The following SRSF4 variants were observed in gnomAD, a reference collection of about 807,000 sequenced individuals.
The protein encoded by SRSF4 is serine/arginine-rich splicing factor 4.
A neutral mutation model predicts 48.8 loss-of-function variants in SRSF4; 12 were observed. That is an observed-to-expected ratio of 0.25 (90% confidence interval 0.16 to 0.40). The LOEUF is 0.40. Among genes scored for constraint, SRSF4 ranks in the 10% least tolerant of loss-of-function variants. The pLI, the probability that SRSF4 is intolerant of heterozygous loss-of-function variation, is 1.00. For missense variants in SRSF4, 466 were observed against 667.1 expected (o/e 0.70, Z 3.32); for synonymous variants, 248 against 232.5 (o/e 1.07, Z -0.61).
intron 1 of SRSF4, 89 bp downstream of exon 1, chr1:29,181,557 G>C (rs1315701240): frequency 1.7e-6 from 2 of 1,185,656 alleles, no homozygotes; most frequent in Non-Finnish European, 2.3e-6. Context: ...GCTCCGCGCG[G>C]ACCAGGCGTC....
chr1:29,150,017 C>T, intron 5 of SRSF4, 86 bp downstream of exon 5: 2 of 1,145,252 alleles, frequency 1.7e-6, no homozygotes, highest in Non-Finnish European at 2.6e-6. Flanking sequence ...GACAGAGTGT[C>T]TCTTTGAAAA....
At chr1:29,160,719 T>C (rs539011370) in intron 1 of SRSF4, among the ~76,000 whole-genome samples, 2 of 152,352 alleles carry the variant, frequency 1.3e-5, no homozygotes, top group South Asian at 4.1e-4. Flanking sequence ...CTTCTCAAAG[T>C]AGACTCCTAT....
rs1020876293 is a variant in SRSF4 at position 29,181,891 on chromosome 1, G to C, written c.-139C>G. 11 of 576,774 alleles carry C rather than the reference G, an allele frequency of 1.9e-5. No individual in the cohort carries two copies. Among genetic ancestry groups the C allele is most frequent in the Non-Finnish European group, 2.9e-5 (11 of 377,846 alleles). The allele number at this position is 576,774 out of a possible 1,614,324, so 35.7% of individuals were successfully genotyped here. ...ACGCAGCCGAACCCCGGCGACGTAC[G>C]CGAGCACGCAGCTCGCGAGCGCGCG... On this transcript the variant is annotated 5_prime_UTR_variant, in exon 1 of 6. Coordinates refer to ENST00000373795, the MANE Select transcript of SRSF4 (RefSeq NM_005626.5).
At chr1:29,175,652 G>A (rs1426209565) in intron 1 of SRSF4, among the ~76,000 whole-genome samples, 1 of 110,182 alleles carries the variant, frequency 9.1e-6, no homozygotes, top group Non-Finnish European at 1.7e-5. Context: ...CCGAGATTGC[G>A]CCACTGCACT....
At chr1:29,163,869 G>C (rs1672633428) in intron 1 of SRSF4, among the ~76,000 whole-genome samples, 1 of 152,138 alleles carries the variant, frequency 6.6e-6, no homozygotes, top group Non-Finnish European at 1.5e-5. Flanking sequence ...TTCTAGTCTT[G>C]GTTCTGCTAC....
At chr1:29,150,230 G>A (rs2151811686) in intron 4 of SRSF4, 38 bp from the exon 5 acceptor site, 1 of 1,486,182 alleles carries the variant, frequency 6.7e-7, no homozygotes, top group Non-Finnish European at 9.4e-7. Flanking sequence ...TTGCTGACAA[G>A]AGGCTGCTGA....
At chr1:29,170,136 T>G (rs925776429) in intron 1 of SRSF4, 1 of 152,198 alleles carries the variant, frequency 6.6e-6, no homozygotes, top group Non-Finnish European at 1.5e-5. Context: ...TTCAATTTTC[T>G]GACACTTTTC....
chr1:29,148,898 G>C lies in SRSF4; in HGVS notation c.997C>G (p.Arg333Gly). The C allele has an allele frequency of 6.2e-7, 1 of 1,608,560 alleles. No homozygotes were observed. The highest frequency in any genetic ancestry group is 1.1e-5 in the South Asian group (1 of 90,888). ...CTGCTGCCCCCTTTGCTCCTGCTCC[G>C]GCTCCGACTCTGGCGGAGGCTCTTC... ...QEKSLRQSRS[R>G]SRSKGGSRSR... Residue 333 changes from arginine (R) to glycine (G), a missense_variant, in exon 6 of 6, where the codon CGG becomes GGG. Transcript: ENST00000373795.
Position 29,148,623 on chromosome 1 carries a change from C to T in SRSF4, c.1272G>A (p.Gln424=). The change falls in exon 6 of 6, where the codon CAG becomes CAA. Residue 424 remains glutamine, a synonymous_variant. Coordinates refer to ENST00000373795, the MANE Select transcript of SRSF4 (RefSeq NM_005626.5). The stretch of plus-strand genomic sequence containing the variant: ...TCTCACTCTCTCCTCGACCTTCCCT[C>T]TGGCTGGATTCAGACTTGGCATGTT... ...EREHAKSESS[Q]REGRGESENA... is the part of the protein sequence containing the mutation. 6.2e-7 allele frequency: 1 copy of T among 1,614,126 alleles called. No individual in the cohort carries two copies. Among genetic ancestry groups the T allele is most frequent in the Non-Finnish European group, 8.5e-7 (1 of 1,179,994 alleles).
At chr1:29,176,489 TA>T (rs63562760) in intron 1 of SRSF4, among the ~76,000 whole-genome samples, 53,716 of 137,432 alleles carry the variant, frequency 0.39, 10,627 homozygotes, top group African/African-American at 0.54. Context: ...CTAAAAACTT[TA>T]AAAAAAAAAA....
chr1:29,156,552 C>T (rs541031847), intron 3 of SRSF4, among the ~76,000 whole-genome samples: 1 of 152,112 alleles, frequency 6.6e-6, no homozygotes, highest in South Asian at 2.1e-4. Flanking sequence ...GAATATGAGG[C>T]ATAAGATGTA....
chr1:29,176,703 A>T (rs1672860938), intron 1 of SRSF4, among the ~76,000 whole-genome samples: 1 of 152,070 alleles, frequency 6.6e-6, no homozygotes, highest in African/African-American at 2.4e-5. Context: ...CACAACAACG[A>T]CCTGCCTCAC....
intron 5 of SRSF4, 85 bp from the exon 6 acceptor site, chr1:29,149,311 G>A (rs1672365745): frequency 6.9e-7 from 1 of 1,448,500 alleles, no homozygotes; most frequent in Admixed American, 2.2e-5. Context: ...TACATGTGGA[G>A]TTACACCCCC....
At chr1:29,160,672 T>C (rs1672581855) in intron 1 of SRSF4, 155 bp from the exon 2 acceptor site, 2 of 747,880 alleles carry the variant, frequency 2.7e-6, no homozygotes, top group Non-Finnish European at 2.0e-6. Flanking sequence ...GAAACCACTT[T>C]GCTTTGTGCC....
intron 1 of SRSF4, chr1:29,169,758 A>G (rs1326173530): frequency 6.6e-6 from 1 of 152,234 alleles, no homozygotes; most frequent in Non-Finnish European, 1.5e-5. Flanking sequence ...ATTGCAGATA[A>G]CAGCCCATCT....
At chr1:29,177,935 T>C (rs111743589) in intron 1 of SRSF4, among the ~76,000 whole-genome samples, 52 of 144,856 alleles carry the variant, frequency 3.6e-4, no homozygotes, top group African/African-American at 1.3e-3. Flanking sequence ...AGTCTTGCTC[T>C]GTTGCCTAGG....
chr1:29,168,222 G>A (rs553474842), intron 1 of SRSF4, among the ~76,000 whole-genome samples: 72 of 144,716 alleles, frequency 5.0e-4, no homozygotes, highest in African/African-American at 1.8e-3. Context: ...GGAGAGACAG[G>A]GTTTCACCAT....
intron 1 of SRSF4, among the ~76,000 whole-genome samples, chr1:29,179,151 A>G (rs897518575): frequency 5.9e-5 from 9 of 151,940 alleles, no homozygotes; most frequent in Non-Finnish European, 1.2e-4. Context: ...TTGAATTCCT[A>G]CTCATTGATT....
chr1:29,176,771 A>G (rs1220567510), intron 1 of SRSF4, among the ~76,000 whole-genome samples: 1 of 152,174 alleles, frequency 6.6e-6, no homozygotes, highest in Non-Finnish European at 1.5e-5. Flanking sequence ...AAGGGCGAAA[A>G]CAAAAATTTT....
Sources: allele counts gnomAD v4.1 joint callset (sites outside exome capture counted in the v4.1 genomes callset), GRCh38; gene constraint gnomAD v4.1.1; transcripts MANE v1.5; gene names NCBI Gene and HGNC (gene_info 2026-07-23, HGNC 2026-07-21).